The following TAFA5 variants were observed in gnomAD, a reference collection of about 807,000 sequenced individuals.
TAFA5 encodes chemokine-like protein TAFA-5.
In TAFA5, 6 loss-of-function variants were observed where a neutral mutation model predicts 15.3. The ratio of observed to expected loss-of-function variants is 0.39; its 90% confidence interval spans 0.21 to 0.77. The LOEUF is 0.77. TAFA5 is among the 30% of genes least tolerant of loss of function. The pLI is 0.41. For missense variants in TAFA5, 161 were observed against 193.1 expected, an observed-to-expected ratio of 0.83 and a Z score of 0.98; for synonymous variants, 103 against 80.7, an observed-to-expected ratio of 1.28 and a Z score of -1.48.
rs565719075 is a variant in TAFA5, at chr22:48,608,578, A to G, written c.113-38019A>G. On this transcript the variant is annotated intron_variant, in intron 1 of 3. Coordinates refer to ENST00000402357, the MANE Select transcript of TAFA5 (RefSeq NM_001082967.3). ...CATGCTGCGGTTTTCCCAGCATTGT[A>G]TAGCGTTTCCTGAGTTGGTCACATC... Among the ~76,000 whole-genome samples the G allele has an allele frequency of 3.3e-5, 5 of 152,316 alleles. No homozygotes were observed. The East Asian group carries it at 9.7e-4, about 29-fold the overall frequency.
At chr22:48,705,256 C>A (rs1255098429) in intron 2 of TAFA5, among the ~76,000 whole-genome samples, 2 of 152,030 alleles carry the variant, frequency 1.3e-5, no homozygotes, top group Non-Finnish European at 2.9e-5. Flanking sequence ...TGGGGTGGGG[C>A]AGGACTGGCT....
At chr22:48,631,004 G>A (rs1446683160) in intron 1 of TAFA5, among the ~76,000 whole-genome samples, 2 of 152,206 alleles carry the variant, frequency 1.3e-5, no homozygotes, top group Non-Finnish European at 2.9e-5. Flanking sequence ...GCCAGGGGCC[G>A]GCGCTCTGGA....
chr22:48,661,958 A>T (rs1426748089), intron 2 of TAFA5, among the ~76,000 whole-genome samples: 1 of 123,898 alleles, frequency 8.1e-6, no homozygotes, highest in Non-Finnish European at 1.7e-5. Flanking sequence ...CTGGGGGCTC[A>T]TTGGGGTGCC....
At chr22:48,623,139 G>A (rs867805288) in intron 1 of TAFA5, among the ~76,000 whole-genome samples, 7 of 152,346 alleles carry the variant, frequency 4.6e-5, no homozygotes, top group Middle Eastern at 3.4e-3. Context: ...TGTCACCTTC[G>A]ACCTTGCAGG....
At chr22:48,746,365 G>A (rs908948448) in intron 3 of TAFA5, among the ~76,000 whole-genome samples, 2 of 152,128 alleles carry the variant, frequency 1.3e-5, no homozygotes, top group African/African-American at 2.4e-5. Flanking sequence ...ATGGTGGCAC[G>A]TGCCTGTGGT....
intron 1 of TAFA5, among the ~76,000 whole-genome samples, chr22:48,522,008 G>A (rs1321254347): frequency 2.6e-5 from 4 of 152,252 alleles, no homozygotes; most frequent in Non-Finnish European, 5.9e-5. Flanking sequence ...CGGATGGGGA[G>A]CGCATGGTTA....
intron 2 of TAFA5, among the ~76,000 whole-genome samples, chr22:48,647,665 G>A (rs1411067253): frequency 6.6e-6 from 1 of 152,116 alleles, no homozygotes; most frequent in African/African-American, 2.4e-5. Context: ...CTTGTGACCA[G>A]AGTGGGTAGG....
In TAFA5 at chr22:48,692,463, C is replaced by T. The variant is rs150547539; in HGVS notation, c.263-15254C>T. Among the ~76,000 whole-genome samples the T allele has an allele frequency of 5.6e-3, 851 of 152,282 alleles. 3 individuals carry two copies. Among genetic ancestry groups the T allele is most frequent in the East Asian group, 0.01 (52 of 5,176 alleles). On this transcript the variant is annotated intron_variant, in intron 2 of 3. Coordinates refer to ENST00000402357, the MANE Select transcript of TAFA5 (RefSeq NM_001082967.3). ...AATTTTTTAAGAGACTGAGTCTCGC[C>T]GTGTTGCCCAGGCTGGTCTCAAACT...
intron 2 of TAFA5, among the ~76,000 whole-genome samples, chr22:48,670,879 G>GAAACACCGTTCCC: frequency 6.6e-6 from 1 of 152,304 alleles, no homozygotes; most frequent in South Asian, 2.1e-4. Flanking sequence ...ATAAGGCAGG[G>GAAACACCGTTCCC]AAACACCGTT....
intron 2 of TAFA5, among the ~76,000 whole-genome samples, chr22:48,669,140 G>A (rs1000290498): frequency 4.6e-5 from 7 of 152,200 alleles, no homozygotes; most frequent in African/African-American, 1.2e-4. Flanking sequence ...GCCAGACACC[G>A]AATCTGCTGA....
At chr22:48,719,991 C>T (rs1457241550) in intron 3 of TAFA5, among the ~76,000 whole-genome samples, 2 of 152,172 alleles carry the variant, frequency 1.3e-5, no homozygotes, top group Non-Finnish European at 1.5e-5. Flanking sequence ...AGACGTGACA[C>T]GCTGGGCGCC....
intron 2 of TAFA5, among the ~76,000 whole-genome samples, chr22:48,669,224 T>G (rs751845447): frequency 6.6e-6 from 1 of 152,258 alleles, no homozygotes; most frequent in Non-Finnish European, 1.5e-5. Flanking sequence ...CCCCAGCGTG[T>G]GGTCTGTTGT....
chr22:48,729,393 T>C (rs948095892), intron 3 of TAFA5, among the ~76,000 whole-genome samples: 3 of 128,876 alleles, frequency 2.3e-5, no homozygotes, highest in African/African-American at 7.8e-5. Context: ...AAATATATAA[T>C]AGTCATAAAT....
chr22:48,542,205 A>C (rs1922417194), intron 1 of TAFA5, among the ~76,000 whole-genome samples: 1 of 105,506 alleles, frequency 9.5e-6, no homozygotes, highest in South Asian at 3.2e-4. Flanking sequence ...TGTGTGTGTG[A>C]TGTACATGAT....
intron 1 of TAFA5, among the ~76,000 whole-genome samples, chr22:48,588,131 T>C (rs1260725018): frequency 1.3e-5 from 2 of 152,162 alleles, no homozygotes; most frequent in Non-Finnish European, 2.9e-5. Context: ...GGGGTCAGCA[T>C]TGGCCTTGAA....
intron 1 of TAFA5, among the ~76,000 whole-genome samples, chr22:48,491,812 A>T (rs146315785): frequency 1.3e-5 from 2 of 152,314 alleles, no homozygotes; most frequent in African/African-American, 4.8e-5. Flanking sequence ...CACGCTGAGG[A>T]TGGGAGATCT....
chr22:48,742,105 C>T lies in TAFA5; in HGVS notation c.391-7734C>T, dbSNP rs1027416124. On this transcript the variant is annotated intron_variant, in intron 3 of 3. Transcript: ENST00000402357. The surrounding 1 kb of genome is among the most constrained non-coding windows in gnomAD (Gnocchi z 6.2). ...AGGCTGTGGGAGGTCGGGGCACCTG[C>T]CAGGCTCTGGAGGGGTCTGGCTGCA... Among the ~76,000 whole-genome samples the T allele has an allele frequency of 1.3e-5, 2 of 152,148 alleles. No individual in the cohort carries two copies. Among genetic ancestry groups the T allele is most frequent in the Non-Finnish European group, 2.9e-5 (2 of 68,016 alleles).
In TAFA5 at chr22:48,514,599, C is replaced by G. The variant is rs140737378; in HGVS notation, c.112+24895C>G. ...CGCCCTGCAGACCCTGCCCAGGGAG[C>G]TTATAAGCCGGGCAGCATGGAGAGC... On this transcript the variant is annotated intron_variant, in intron 1 of 3. Transcript: ENST00000402357. Among the ~76,000 whole-genome samples, 935 of 152,142 alleles carry G rather than the reference C, an allele frequency of 6.1e-3. 10 individuals carry two copies. The highest frequency in any genetic ancestry group is 0.021 in the African/African-American group (886 of 41,504).
chr22:48,629,963 T>C (rs1448671658), intron 1 of TAFA5, among the ~76,000 whole-genome samples: 1 of 152,186 alleles, frequency 6.6e-6, no homozygotes, highest in Non-Finnish European at 1.5e-5. Flanking sequence ...GCTCCAGTGT[T>C]GGCTGGGGAG....
Sources: allele counts gnomAD v4.1 joint callset (sites outside exome capture counted in the v4.1 genomes callset), GRCh38; gene constraint gnomAD v4.1.1; non-coding constraint Gnocchi (gnomAD v3.1); transcripts MANE v1.5; gene names NCBI Gene and HGNC (gene_info 2026-07-23, HGNC 2026-07-21).